Variants in GRIK2 observed in about 807,000 individuals in gnomAD.
The protein encoded by GRIK2 is glutamate ionotropic receptor kainate type subunit 2.
Under a neutral mutation model 100.3 loss-of-function variants are expected in GRIK2, and 32 were observed. That is an observed-to-expected ratio of 0.32 (90% CI 0.24 to 0.43). The LOEUF is 0.43. Ranked by LOEUF, GRIK2 falls within the 20% of genes least tolerant of loss-of-function variation. GRIK2 has a pLI of 1.00. For missense variants in GRIK2, 843 were observed against 1,114.9 expected (o/e 0.76, Z 3.47); for synonymous variants, 417 against 389.4 (o/e 1.07, Z -0.83).
At chr6:101,423,899 C>A in intron 2 of GRIK2, among the ~76,000 whole-genome samples, 1 of 151,786 alleles carries the variant, frequency 6.6e-6, no homozygotes, top group African/African-American at 2.4e-5. Context: ...TTCACAATAG[C>A]CAAGATATGG....
intron 14 of GRIK2, among the ~76,000 whole-genome samples, chr6:101,967,021 G>T (rs546719912): frequency 6.6e-6 from 1 of 151,860 alleles, no homozygotes; most frequent in South Asian, 2.1e-4. Flanking sequence ...TGAAAATTTT[G>T]TTCAAGCTGA....
At chr6:101,889,900 T>C in intron 12 of GRIK2, 37 bp downstream of exon 12, 2 of 1,121,960 alleles carry the variant, frequency 1.8e-6, no homozygotes, top group East Asian at 4.7e-5. Flanking sequence ...TTGGCAATTG[T>C]TACCTCCTTT....
chr6:101,749,679 A>G (rs1776657852), intron 7 of GRIK2, among the ~76,000 whole-genome samples: 1 of 152,122 alleles, frequency 6.6e-6, no homozygotes, highest in South Asian at 2.1e-4. Flanking sequence ...TTTTTGGTAA[A>G]TAAGCAAGAC....
At chr6:101,871,097 A>G (rs1363263337) in intron 11 of GRIK2, among the ~76,000 whole-genome samples, 12 of 151,902 alleles carry the variant, frequency 7.9e-5, no homozygotes, top group Non-Finnish European at 2.9e-5. Flanking sequence ...AAGGAAATAT[A>G]GTACATGCTG....
intron 2 of GRIK2, among the ~76,000 whole-genome samples, chr6:101,551,339 A>G (rs957995923): frequency 6.6e-6 from 1 of 152,118 alleles, no homozygotes; most frequent in Admixed American, 6.6e-5. Flanking sequence ...ACTTAAGCCC[A>G]TAAATCCTTC....
rs578130738 is a variant in GRIK2 at position 102,059,871 on chromosome 6, A to T, written c.2562+4291A>T. 1.7e-4 allele frequency among the ~76,000 whole-genome samples: 26 copies of T among 150,658 alleles called. 2 individuals carry two copies. In the South Asian group the frequency reaches 5.2e-3, roughly 30 times the overall value. On this transcript the variant is annotated intron_variant, in intron 16 of 16. Coordinates refer to ENST00000369134, the MANE Select transcript of GRIK2 (RefSeq NM_021956.5). ...CATGTATTTGAAAATGTATTTGCTT[A>T]TACAAATTGTTTTTATTGAACTGTC... is the stretch of plus-strand genomic sequence containing the variant.
At chr6:101,556,062 A>G (rs1257117391) in intron 2 of GRIK2, among the ~76,000 whole-genome samples, 1 of 152,064 alleles carries the variant, frequency 6.6e-6, no homozygotes, top group Non-Finnish European at 1.5e-5. Flanking sequence ...TTGAATTACT[A>G]CATTTTTATT....
rs555644768 is a variant in GRIK2 at position 101,473,146 on chromosome 6, T to G, written c.115+73754T>G. 1.1e-3 allele frequency among the ~76,000 whole-genome samples: 156 copies of G among 148,310 alleles called. 1 individual carries two copies. The highest frequency in any genetic ancestry group is 2.0e-3 in the Non-Finnish European group (132 of 66,444). ...CTTCCTTCCTTCCTTCCTTCCTTCCTTCCTTCTTTCCTTCCTTCTTTCCTT... is the reference window on the plus strand; with the variant it reads ...CTTCCTTCCTTCCTTCCTTCCTTCCGTCCTTCTTTCCTTCCTTCTTTCCTT... On this transcript the variant is annotated intron_variant, in intron 2 of 16. Coordinates refer to ENST00000369134, the MANE Select transcript of GRIK2 (RefSeq NM_021956.5).
At chr6:101,728,521 A>C (rs1259198493) in intron 7 of GRIK2, among the ~76,000 whole-genome samples, 1 of 152,082 alleles carries the variant, frequency 6.6e-6, no homozygotes, top group East Asian at 1.9e-4. Flanking sequence ...TATTTAACTT[A>C]ATAGAGTGGT....
intron 7 of GRIK2, among the ~76,000 whole-genome samples, chr6:101,700,216 G>T (rs1051911368): frequency 6.6e-6 from 1 of 151,400 alleles, no homozygotes; most frequent in African/African-American, 2.4e-5. Flanking sequence ...TTTTCACATA[G>T]AACTAAATTA....
chr6:101,809,600 A>G (rs949180185), intron 9 of GRIK2, among the ~76,000 whole-genome samples: 2 of 152,026 alleles, frequency 1.3e-5, no homozygotes, highest in African/African-American at 2.4e-5. Flanking sequence ...CCATGGCAAC[A>G]GTGACCCCCA....
At chr6:102,025,423 G>T (rs1425553323) in intron 14 of GRIK2, among the ~76,000 whole-genome samples, 2 of 151,162 alleles carry the variant, frequency 1.3e-5, no homozygotes, top group Non-Finnish European at 3.0e-5. Flanking sequence ...ATAGACGGAG[G>T]ATAAGGTATA....
At chr6:101,542,738 G>C (rs934058539) in intron 2 of GRIK2, among the ~76,000 whole-genome samples, 1 of 152,096 alleles carries the variant, frequency 6.6e-6, no homozygotes, top group African/African-American at 2.4e-5. Context: ...GAGCGTGTAA[G>C]TGATGTCACA....
At chr6:101,912,099 CAA>C (rs561881105) in intron 12 of GRIK2, among the ~76,000 whole-genome samples, 2,478 of 86,880 alleles carry the variant, frequency 0.029, 94 homozygotes, top group East Asian at 0.2. Flanking sequence ...CACACACACA[CAA>C]ACACACACAC....
chr6:101,816,722 T>G (rs1290064149), intron 9 of GRIK2, among the ~76,000 whole-genome samples: 1 of 151,942 alleles, frequency 6.6e-6, no homozygotes, highest in Non-Finnish European at 1.5e-5. Flanking sequence ...TAATTAATTT[T>G]TAAAAAATTA....
chr6:101,453,298 G>GA (rs1325561429), intron 2 of GRIK2, among the ~76,000 whole-genome samples: 1 of 151,436 alleles, frequency 6.6e-6, no homozygotes. Flanking sequence ...AACAAATTAA[G>GA]AAAAAAATTA....
chr6:101,837,407 C>G (rs1216926568), intron 10 of GRIK2, among the ~76,000 whole-genome samples: 4 of 152,118 alleles, frequency 2.6e-5, no homozygotes, highest in Non-Finnish European at 5.9e-5. Flanking sequence ...TTACCACACA[C>G]ACTAAGAGGT....
intron 2 of GRIK2, among the ~76,000 whole-genome samples, chr6:101,484,465 T>C (rs1772705639): frequency 6.6e-6 from 1 of 152,124 alleles, no homozygotes; most frequent in Non-Finnish European, 1.5e-5. Flanking sequence ...AAAATGATTT[T>C]TAAAACATTT....
intron 14 of GRIK2, among the ~76,000 whole-genome samples, chr6:102,029,296 A>G (rs1422277289): frequency 4.0e-5 from 6 of 151,218 alleles, no homozygotes; most frequent in Non-Finnish European, 3.0e-5. Context: ...CAGGTGATGG[A>G]GCAAAATGTA....
Sources: gnomAD v4.1 joint callset for allele counts (sites outside exome capture counted in the v4.1 genomes callset) on GRCh38, gnomAD v4.1.1 for gene constraint, MANE v1.5 for transcripts, NCBI Gene and HGNC (gene_info 2026-07-23, HGNC 2026-07-21) for gene names.